The following EVI5 variants were observed in gnomAD, a reference collection of about 807,000 sequenced individuals.
The protein encoded by EVI5 is ecotropic viral integration site 5 protein homolog.
Under a neutral mutation model 112.0 loss-of-function variants are expected in EVI5, and 73 were observed. The ratio of observed to expected loss-of-function variants is 0.65; its 90% CI spans 0.54 to 0.79. The LOEUF is 0.79. Ranked by LOEUF, EVI5 falls within the 30% of genes least tolerant of loss-of-function variation. The pLI is 0.00. For synonymous variants in EVI5, 305 were observed against 319.9 expected (o/e 0.95, Z 0.50); for missense variants, 900 against 968.8 (o/e 0.93, Z 0.94).
chr1:92,678,841 T>A (rs1667151854), intron 9 of EVI5, among the ~76,000 whole-genome samples: 1 of 152,244 alleles, frequency 6.6e-6, no homozygotes, highest in Non-Finnish European at 1.5e-5. Flanking sequence ...TTATCTCATT[T>A]AGCTCACAAC....
At chr1:92,750,003 T>A (rs1679921170) in intron 1 of EVI5, among the ~76,000 whole-genome samples, 1 of 152,204 alleles carries the variant, frequency 6.6e-6, no homozygotes, top group Admixed American at 6.5e-5. Context: ...AAATGACAGC[T>A]GAGCATAGAA....
Position 92,704,566 on chromosome 1 carries a change from T to C in EVI5, c.328A>G (p.Lys110Glu). 6.4e-7 allele frequency: 1 copy of C among 1,573,858 alleles called. No homozygotes were observed. The highest frequency in any genetic ancestry group is 8.6e-7 in the Non-Finnish European group (1 of 1,160,186). ...EWEDVRKKKE[K>E]QVKELVHKGI... Reference sequence around the variant, plus strand: ...AAGAACATGAATACCTTAACTTGCTTTTCCTTCTTTTTGCGTACATCTTCC... The same window carrying C: ...AAGAACATGAATACCTTAACTTGCTCTTCCTTCTTTTTGCGTACATCTTCC... Residue 110 changes from lysine (K) to glutamate (E), a missense_variant, in exon 3 of 20, where the codon AAG (lysine) becomes GAG (glutamate). Physicochemically the swap from Lys to Glu is moderately conservative, Grantham distance 56 (BLOSUM62 1). Transcript: ENST00000684568.
intron 18 of EVI5, among the ~76,000 whole-genome samples, chr1:92,602,170 T>G (rs1649316724): frequency 6.6e-6 from 1 of 152,194 alleles, no homozygotes; most frequent in Non-Finnish European, 1.5e-5. Context: ...GTTTGGAAAT[T>G]AATTACATTT....
chr1:92,625,877 C>A lies in EVI5; in HGVS notation c.1585G>T (p.Ala529Ser). The stretch of plus-strand genomic sequence containing the variant: ...GCTTCTGCTTCTCTAAGTTTCACAG[C>A]AATGAGTTCTTCCTGAAGCCTTGCA... Reference protein sequence around the residue: ...NIARLQEELIAVKLREAEAIM... With the variant: ...NIARLQEELISVKLREAEAIM... Residue 529 changes from alanine to serine, a missense_variant, in exon 15 of 20, where the codon GCT becomes TCT. By Grantham distance (99) the Ala-to-Ser change is moderately conservative. Transcript: ENST00000684568. 1.2e-6 allele frequency: 2 copies of A among 1,610,500 alleles called. No individual in the cohort carries two copies. Among genetic ancestry groups the A allele is most frequent in the Non-Finnish European group, 1.7e-6 (2 of 1,176,836 alleles).
chr1:92,681,718 C>T lies in EVI5; in HGVS notation c.1098-4500G>A, dbSNP rs926285256. Among the ~76,000 whole-genome samples, 4 of 152,268 alleles carry T rather than the reference C, an allele frequency of 2.6e-5. No individual in the cohort carries two copies. The East Asian group carries it at 5.8e-4, about 22-fold the overall frequency. On this transcript the variant is annotated intron_variant, in intron 9 of 19. Coordinates refer to ENST00000684568, the MANE Select transcript of EVI5 (RefSeq NM_001350197.2). ...ATGAGGAGGACAATAACCAACAAAA[C>T]GTTTGACAATGACGAAAACGTGCTA...
Position 92,704,617 on chromosome 1 carries a change from G to T in EVI5, c.277C>A (p.Leu93Ile). 1 of 1,598,104 alleles carries T rather than the reference G, an allele frequency of 6.3e-7. No individual in the cohort carries two copies. The change falls in exon 3 of 20, where the codon CTT becomes ATT. Residue 93 changes from leucine to isoleucine, a missense_variant. Physicochemically the swap from Leu to Ile is conservative, Grantham distance 5. Transcript: ENST00000684568. ...CATTCATTAACAATTCTTCCCCAAA[G>T]AATCCAAGAATCTTCTTCAAGGTGA... ...LSHLEEDSWI[L>I]WGRIVNEWED...
intron 11 of EVI5, among the ~76,000 whole-genome samples, chr1:92,664,579 A>T (rs942758059): frequency 9.9e-5 from 15 of 152,142 alleles, no homozygotes; most frequent in African/African-American, 3.1e-4. Flanking sequence ...CTTAAAAGCA[A>T]GCTCAATCTT....
At chr1:92,545,128 T>A (rs1484815359) in intron 19 of EVI5, among the ~76,000 whole-genome samples, 1 of 152,238 alleles carries the variant, frequency 6.6e-6, no homozygotes, top group Non-Finnish European at 1.5e-5. Flanking sequence ...GAGAGCTACA[T>A]ATTCATCTTT....
At chr1:92,776,456 T>C (rs1306002885) in intron 1 of EVI5, among the ~76,000 whole-genome samples, 1 of 152,056 alleles carries the variant, frequency 6.6e-6, no homozygotes, top group East Asian at 1.9e-4. Context: ...TAATGGGTGG[T>C]TTTATCATTC....
intron 1 of EVI5, among the ~76,000 whole-genome samples, chr1:92,753,412 C>A (rs1242707576): frequency 1.3e-5 from 2 of 152,170 alleles, no homozygotes; most frequent in Admixed American, 1.3e-4. Flanking sequence ...CAAGCCATAT[C>A]AGTTAAGATT....
chr1:92,625,791 T>C lies in EVI5; in HGVS notation c.1668+3A>G. ...AAAAAGCACACAAAATATATTAATA[T>C]ACCTGCCAGTGTTCCTCTAAATCCT... On this transcript the variant is annotated splice_donor_region_variant and intron_variant, in intron 15 of 19. Coordinates refer to ENST00000684568, the MANE Select transcript of EVI5 (RefSeq NM_001350197.2). 1 of 1,609,832 alleles carries C rather than the reference T, an allele frequency of 6.2e-7. No homozygotes were observed. Among genetic ancestry groups the C allele is most frequent in the African/African-American group, 1.3e-5 (1 of 74,742 alleles).
chr1:92,550,908 T>G (rs1666803795), intron 19 of EVI5, among the ~76,000 whole-genome samples: 1 of 142,130 alleles, frequency 7.0e-6, no homozygotes, highest in Admixed American at 7.1e-5. Flanking sequence ...AAGAATATAA[T>G]TAATTTAATT....
intron 14 of EVI5, among the ~76,000 whole-genome samples, chr1:92,635,151 T>C (rs1187657361): frequency 6.6e-6 from 1 of 152,246 alleles, no homozygotes; most frequent in African/African-American, 2.4e-5. Context: ...GGAGGCAGTC[T>C]GTCGGTTCTC....
At chr1:92,735,476 TACA>T (rs1470072400) in intron 2 of EVI5, among the ~76,000 whole-genome samples, 3 of 151,746 alleles carry the variant, frequency 2.0e-5, no homozygotes, top group East Asian at 1.9e-4. Flanking sequence ...CATAGTTGAT[TACA>T]ACAATACATC....
intron 14 of EVI5, among the ~76,000 whole-genome samples, chr1:92,628,897 T>C (rs998265166): frequency 6.6e-6 from 1 of 152,222 alleles, no homozygotes; most frequent in Non-Finnish European, 1.5e-5. Flanking sequence ...TGCATATTCA[T>C]TTAAAAGACT....
intron 9 of EVI5, among the ~76,000 whole-genome samples, chr1:92,690,186 GAA>G (rs1176272730): frequency 6.6e-6 from 1 of 151,994 alleles, no homozygotes; most frequent in African/African-American, 2.4e-5. Context: ...CTGAAATAAT[GAA>G]GTGTTTATAT....
chr1:92,702,574 G>C (rs1276756932), intron 4 of EVI5, among the ~76,000 whole-genome samples: 1 of 152,030 alleles, frequency 6.6e-6, no homozygotes, highest in Non-Finnish European at 1.5e-5. Flanking sequence ...GGGAGGCAGA[G>C]GCAGGCGGAT....
At chr1:92,687,146 A>G (rs1301259301) in intron 9 of EVI5, among the ~76,000 whole-genome samples, 2 of 152,202 alleles carry the variant, frequency 1.3e-5, no homozygotes, top group East Asian at 3.8e-4. Context: ...ACTATACTAC[A>G]AGGCTACAGT....
chr1:92,715,942 A>G (rs1673588708), intron 2 of EVI5, among the ~76,000 whole-genome samples: 1 of 152,116 alleles, frequency 6.6e-6, no homozygotes, highest in Non-Finnish European at 1.5e-5. Context: ...TTGAGTAGGT[A>G]AACAAAGCGG....
Sources: allele counts gnomAD v4.1 joint callset (sites outside exome capture counted in the v4.1 genomes callset), GRCh38; gene constraint gnomAD v4.1.1; transcripts MANE v1.5; gene names NCBI Gene and HGNC (gene_info 2026-07-23, HGNC 2026-07-21).